The following SOCS7 variants were observed in gnomAD, a reference collection of about 807,000 sequenced individuals.
The protein encoded by SOCS7 is suppressor of cytokine signaling 7, also known as NAP-4.
Under a neutral mutation model 58.9 loss-of-function variants are expected in SOCS7, and 18 were observed. The observed-to-expected ratio is 0.31, with a 90% CI of 0.21 to 0.45. The LOEUF (loss-of-function observed/expected upper bound fraction) is 0.45, where lower values mean the gene tolerates loss of function less well. Ranked by LOEUF, SOCS7 falls within the 20% of genes least tolerant of loss-of-function variation. The pLI, the probability that SOCS7 is intolerant of heterozygous loss-of-function variation, is 1.00. For missense variants in SOCS7, 667 were observed against 837.3 expected, an observed-to-expected ratio of 0.80 and a Z score of 2.51; for synonymous variants, 388 against 364.3, an observed-to-expected ratio of 1.06 and a Z score of -0.74.
At chr17:38,354,207 AG>A (rs1468426649) in intron 1 of SOCS7, among the ~76,000 whole-genome samples, 1 of 152,236 alleles carries the variant, frequency 6.6e-6, no homozygotes. Context: ...GTTCTCAGAA[AG>A]ATTGGAATGG....
At chr17:38,376,587 C>G (rs1472769203) in intron 6 of SOCS7, among the ~76,000 whole-genome samples, 1 of 151,950 alleles carries the variant, frequency 6.6e-6, no homozygotes, top group Non-Finnish European at 1.5e-5. Context: ...CAAAAATTAG[C>G]CAGGCGTGGT....
chr17:38,389,498 G>A (rs1265423456), intron 7 of SOCS7, among the ~76,000 whole-genome samples: 4 of 152,138 alleles, frequency 2.6e-5, no homozygotes, highest in African/African-American at 7.2e-5. Context: ...GGAGGTTGCA[G>A]TGAACCGAGA....
intron 7 of SOCS7, among the ~76,000 whole-genome samples, chr17:38,387,261 T>G (rs2038087026): frequency 7.2e-6 from 1 of 138,534 alleles, no homozygotes; most frequent in African/African-American, 2.7e-5. Flanking sequence ...CTGGCCAACA[T>G]AGCTAAACCC....
intron 1 of SOCS7, among the ~76,000 whole-genome samples, chr17:38,356,502 C>T (rs753512111): frequency 6.6e-6 from 1 of 151,902 alleles, no homozygotes; most frequent in Non-Finnish European, 1.5e-5. Context: ...ATAGCTGGGA[C>T]TACAGGTACA....
intron 6 of SOCS7, among the ~76,000 whole-genome samples, chr17:38,369,976 A>T (rs1458937200): frequency 1.3e-5 from 2 of 151,884 alleles, no homozygotes; most frequent in Non-Finnish European, 2.9e-5. Context: ...TATTTTTAGT[A>T]GACACAGGGT....
At chr17:38,380,324 A>T (rs897026865) in intron 7 of SOCS7, among the ~76,000 whole-genome samples, 1 of 152,148 alleles carries the variant, frequency 6.6e-6, no homozygotes, top group African/African-American at 2.4e-5. Flanking sequence ...GTTAGGTAAT[A>T]TAGATCAATC....
rs540181399 is a variant in SOCS7 at position 38,405,147 on chromosome 17, A to G, written c.*5665A>G. 5 of 152,262 alleles carry G rather than the reference A, an allele frequency of 3.3e-5. No homozygotes were observed. Among genetic ancestry groups the G allele is most frequent in the Admixed American group, 3.3e-4 (5 of 15,290 alleles). 9.4% of individuals were successfully genotyped at this position (152,262 alleles called of 1,614,324 possible). ...TAATTTATTAAAATAGTTGCTGTAT[A>G]ATTTATTTTCATAAACTATAAAAAA... On this transcript the variant is annotated 3_prime_UTR_variant, in exon 10 of 10. Transcript: ENST00000612932.
chr17:38,383,836 G>A (rs1027303675), intron 7 of SOCS7, among the ~76,000 whole-genome samples: 15 of 152,096 alleles, frequency 9.9e-5, no homozygotes, highest in East Asian at 3.9e-4. Context: ...GAGCCACCGC[G>A]CCCAGCCTGC....
rs1413799827 is a variant in SOCS7, at chr17:38,400,551, T to C, written c.*1069T>C. On this transcript the variant is annotated 3_prime_UTR_variant, in exon 10 of 10. Transcript: ENST00000612932. The stretch of plus-strand genomic sequence containing the variant: ...CAGTTGTGCTCTTCCTAGAGGAAGC[T>C]CTCAGAACGCAGCCCTCACGGGATT... 1 of 152,160 alleles carries C rather than the reference T, an allele frequency of 6.6e-6. No homozygotes were observed. Among genetic ancestry groups the C allele is most frequent in the Non-Finnish European group, 1.5e-5 (1 of 68,040 alleles). 9.4% of individuals were successfully genotyped at this position (152,160 alleles called of 1,614,324 possible).
chr17:38,365,029 C>T (rs587721478), intron 3 of SOCS7, among the ~76,000 whole-genome samples, 173 bp downstream of exon 3: 3 of 152,324 alleles, frequency 2.0e-5, no homozygotes, highest in East Asian at 1.9e-4. Flanking sequence ...GTCTCACCCG[C>T]ATGCTGTAAT....
rs1308130775 is a variant in SOCS7 at position 38,402,871 on chromosome 17, T to C, written c.*3389T>C. 4 of 152,200 alleles carry C rather than the reference T, an allele frequency of 2.6e-5. No homozygotes were observed. The highest frequency in any genetic ancestry group is 2.1e-4 in the South Asian group (1 of 4,824). The allele number at this position is 152,200 out of a possible 1,614,324, so 9.4% of individuals were successfully genotyped here. A position where few individuals can be genotyped will look rare whatever the true frequency, so the allele number is the denominator to read the frequency against. On this transcript the variant is annotated 3_prime_UTR_variant, in exon 10 of 10. Coordinates refer to ENST00000612932, the MANE Select transcript of SOCS7 (RefSeq NM_014598.4). ...AGTGCCTGCATAACCCTCACCTGTT[T>C]ATGACTGATCTACTGTAACCTTCCT...
At chr17:38,396,989 T>G (rs2038253003) in intron 9 of SOCS7, among the ~76,000 whole-genome samples, 2 of 152,024 alleles carry the variant, frequency 1.3e-5, no homozygotes. Context: ...ACTAGGGAGG[T>G]CCACCTACCT....
chr17:38,389,898 TACACATATAGAGAG>T (rs1478242683), intron 7 of SOCS7, among the ~76,000 whole-genome samples: 11 of 82,442 alleles, frequency 1.3e-4, no homozygotes, highest in Admixed American at 3.6e-4. Context: ...TATATATATA[TACACATATAGAGAG>T]AGAGAGAGAG....
chr17:38,396,796 T>C (rs1293104190), intron 9 of SOCS7, among the ~76,000 whole-genome samples: 1 of 152,226 alleles, frequency 6.6e-6, no homozygotes, highest in Admixed American at 6.5e-5. Context: ...CAAGATTGAC[T>C]GCCAGTGTGC....
At chr17:38,364,980 T>C (rs2037770084) in intron 3 of SOCS7, 124 bp downstream of exon 3, 1 of 702,086 alleles carries the variant, frequency 1.4e-6, no homozygotes, top group Middle Eastern at 3.2e-4. Context: ...TTCCCAGCTC[T>C]TTCTCAGCAC....
chr17:38,370,305 A>G (rs2037846011), intron 6 of SOCS7, among the ~76,000 whole-genome samples: 1 of 151,796 alleles, frequency 6.6e-6, no homozygotes, highest in Non-Finnish European at 1.5e-5. Flanking sequence ...GCCACCAGTT[A>G]CTTTTTGTTA....
At position 38,366,347 on chromosome 17, in the gene SOCS7, A is replaced by G. The variant is rs1170526523; in HGVS notation, c.1313A>G (p.Gln438Arg). Residue 438 changes from glutamine to arginine, a missense_variant, in exon 5 of 10, where the codon CAG becomes CGG. Physicochemically the swap from Gln to Arg is conservative, Grantham distance 43 (BLOSUM62 1). Around this residue, in one of 9 missense-constraint regions of SOCS7, gnomAD observed 99 missense variants for 122.9 expected, o/e 0.81. Transcript: ENST00000612932. Reference protein sequence around the residue: ...AAESLHSQPPQHLQCPLYRPD... With the variant: ...AAESLHSQPPRHLQCPLYRPD... ...GAATCCCTGCACAGCCAACCCCCAC[A>G]GCACCTCCAGTGTCCCCTCTACCGG... 3 of 1,614,076 alleles carry G rather than the reference A, an allele frequency of 1.9e-6. No individual in the cohort carries two copies. Among genetic ancestry groups the G allele is most frequent in the Non-Finnish European group, 2.5e-6 (3 of 1,180,034 alleles).
chr17:38,352,642 C>T lies in SOCS7; in HGVS notation c.590C>T (p.Ser197Leu). 4.5e-6 allele frequency: 7 copies of T among 1,550,000 alleles called. No homozygotes were observed. The highest frequency in any genetic ancestry group is 1.2e-5 in the South Asian group (1 of 84,040). Residue 197 changes from serine to leucine, a missense_variant, in exon 1 of 10, where the codon TCG becomes TTG. By Grantham distance (145) the Ser-to-Leu change is moderately radical. This residue lies in a region of SOCS7 where 208 missense variants were observed against 190.3 expected (regional missense o/e 1.09). Transcript: ENST00000612932. This position sits in a 1 kb window ranked among gnomAD's most constrained non-coding sequence, Gnocchi z 5.5. ...GAGAGCCTGGAGACTAACAGCTGCT[C>T]GGAAGAGGAGCTCAGCAGCCCGGGT... Reference protein sequence around the residue: ...EAESLETNSCSEEELSSPGRG... With the variant: ...EAESLETNSCLEEELSSPGRG...
intron 6 of SOCS7, among the ~76,000 whole-genome samples, chr17:38,369,714 C>CAAAA (rs1205192618): frequency 7.7e-6 from 1 of 130,288 alleles, no homozygotes; most frequent in Non-Finnish European, 1.6e-5. Context: ...CTAACTTTGT[C>CAAAA]ACCCAGGTTG....
Sources: gnomAD v4.1 joint callset for allele counts (sites outside exome capture counted in the v4.1 genomes callset) on GRCh38, gnomAD v4.1.1 for gene constraint, gnomAD v4.1.1 regional missense constraint, Gnocchi (gnomAD v3.1) non-coding constraint, MANE v1.5 for transcripts, NCBI Gene and HGNC (gene_info 2026-07-23, HGNC 2026-07-21) for gene names.